CTBP1: variants seen among roughly 807,000 people sequenced by gnomAD.
CTBP1 encodes the protein C-terminal-binding protein 1.
Under a neutral mutation model 42.1 loss-of-function variants are expected in CTBP1, and 11 were observed. The observed-to-expected ratio is 0.26, with a 90% confidence interval of 0.16 to 0.43. The LOEUF is 0.43. Ranked by LOEUF, CTBP1 falls within the 20% of genes least tolerant of loss-of-function variation. CTBP1 has a pLI of 1.00. For missense variants in CTBP1, 399 were observed against 624.3 expected, an observed-to-expected ratio of 0.64 and a Z score of 3.85; for synonymous variants, 324 against 277.1, an observed-to-expected ratio of 1.17 and a Z score of -1.68.
In CTBP1 at chr4:1,238,685, ACCC is replaced by A. The variant is rs1419823955; in HGVS notation, c.8-351_8-349del. 1.4e-4 allele frequency among the ~76,000 whole-genome samples: 20 copies of A among 145,996 alleles called. No individual in the cohort carries two copies. Among genetic ancestry groups the A allele is most frequent in the African/African-American group, 5.1e-4 (20 of 39,050 alleles). On this transcript the variant is annotated intron_variant, in intron 2 of 9. Transcript: ENST00000382952. This position sits in a 1 kb window ranked among gnomAD's most constrained non-coding sequence, Gnocchi z 5.9. ...CTCACACCCTCCAAGACCCTCCGAG[ACCC>A]CCCAAGAAATCTCCAGACCCTCTGA...
At position 1,238,281 on chromosome 4, in the gene CTBP1, G is replaced by A; in HGVS notation, c.64C>T (p.Leu22=). The A allele has an allele frequency of 1.9e-6, 3 of 1,601,106 alleles. No individual in the cohort carries two copies. The highest frequency in any genetic ancestry group is 2.6e-6 in the Non-Finnish European group (3 of 1,170,946). Residue 22 remains leucine, a synonymous_variant, in exon 3 of 10, where the codon CTG becomes TTG. Transcript: ENST00000382952. The surrounding 1 kb of genome is among the most constrained non-coding windows in gnomAD (Gnocchi z 5.9). ...TCCACTGTGCAGTCCCGGCCATCCAGCAATGCCACCAGGGGCCGCGGGTGC... is the reference window on the plus strand; with the variant it reads ...TCCACTGTGCAGTCCCGGCCATCCAACAATGCCACCAGGGGCCGCGGGTGC... ...PLHPRPLVAL[L]DGRDCTVEMP...
intron 5 of CTBP1, chr4:1,218,095 G>A (rs1378701259): frequency 2.6e-5 from 4 of 152,168 alleles, no homozygotes; most frequent in Admixed American, 2.0e-4. Flanking sequence ...GAAGCAGAGA[G>A]AAAAGAATTT....
chr4:1,241,885 G>A (rs2108796874), intron 1 of CTBP1: 1 of 1,071,152 alleles, frequency 9.3e-7, no homozygotes, highest in Non-Finnish European at 1.1e-6. Context: ...GCTGTGGGCA[G>A]GGAAACTGCG....
In CTBP1 at chr4:1,221,681, C is replaced by T. The variant is rs117825923; in HGVS notation, c.514+3679G>A. On this transcript the variant is annotated intron_variant, in intron 5 of 9. Coordinates refer to ENST00000382952, the MANE Select transcript of CTBP1 (RefSeq NM_001012614.2). ...CCACCTCGGCACAGCTGGGGAAGGC[C>T]CTCTGCTCTAGGAAGCGGGACCCGG... is the stretch of plus-strand genomic sequence containing the variant. The T allele has an allele frequency of 6.0e-4, 179 of 299,392 alleles. 2 individuals carry two copies. In the East Asian group the frequency reaches 0.021, roughly 35 times the overall value. The allele number at this position is 299,392 out of a possible 1,614,324, so 18.5% of individuals were successfully genotyped here. A position where few individuals can be genotyped will look rare whatever the true frequency, so the allele number is the denominator to read the frequency against.
intron 1 of CTBP1, chr4:1,245,104 G>A (rs1256241331): frequency 1.0e-5 from 10 of 984,178 alleles, no homozygotes; most frequent in South Asian, 9.4e-5. Flanking sequence ...CAGCTCCTCC[G>A]ACGACAGCAC....
At chr4:1,223,888 G>A (rs1397197245) in intron 5 of CTBP1, among the ~76,000 whole-genome samples, 1 of 152,226 alleles carries the variant, frequency 6.6e-6, no homozygotes, top group Non-Finnish European at 1.5e-5. Flanking sequence ...GTGTGGGGCC[G>A]GTTCACCGCT....
At position 1,228,219 on chromosome 4, in the gene CTBP1, A is replaced by G; in HGVS notation, c.287T>C (p.Ile96Thr). 2 of 1,614,162 alleles carry G rather than the reference A, an allele frequency of 1.2e-6. No homozygotes were observed. The highest frequency in any genetic ancestry group is 1.7e-6 in the Non-Finnish European group (2 of 1,180,014). ...CCTACCTAAATCCCCGGCCGACTTG[A>G]TGTCGATGTTGTCAAAACCACTGCC... ...RIGSGFDNIDIKSAGDLGIAV... is the reference protein window; with the variant it reads ...RIGSGFDNIDTKSAGDLGIAV... Residue 96 changes from isoleucine (I) to threonine (T), a missense_variant, in exon 4 of 10, where the codon ATC becomes ACC. This residue lies in a region of CTBP1 where 309 missense variants were observed against 497.5 expected (regional missense o/e 0.62). Coordinates refer to ENST00000382952, the MANE Select transcript of CTBP1 (RefSeq NM_001012614.2).
At chr4:1,245,553 G>A in intron 1 of CTBP1, 1 of 983,506 alleles carries the variant, frequency 1.0e-6, no homozygotes, top group Non-Finnish European at 1.2e-6. Context: ...GGCAGGTCAG[G>A]GTGGCACAGG....
chr4:1,212,633 A>G, intron 9 of CTBP1: 1 of 613,546 alleles, frequency 1.6e-6, no homozygotes, highest in African/African-American at 1.9e-5. Flanking sequence ...GGTGACTTGA[A>G]CATGAGGTCT....
chr4:1,236,728 G>A (rs958405761), intron 3 of CTBP1: 2 of 685,098 alleles, frequency 2.9e-6, no homozygotes, highest in African/African-American at 1.8e-5. Flanking sequence ...TCCTGATGGG[G>A]CACAGGGCAA....
chr4:1,220,253 T>C (rs1729587140), intron 5 of CTBP1, among the ~76,000 whole-genome samples: 1 of 144,860 alleles, frequency 6.9e-6, no homozygotes, highest in Admixed American at 6.9e-5. Context: ...ATCACGCCAC[T>C]GTACTCCAGC....
In CTBP1 at chr4:1,241,607, C is replaced by A. The variant is rs2108796126; in HGVS notation, c.-188-88G>T. The stretch of plus-strand genomic sequence containing the variant: ...CTCCAGGGAACGCCTCAGAAGTGGA[C>A]CTCACTGCATCTGCCACACCCGGGA... On this transcript the variant is annotated intron_variant, in intron 1 of 9. Transcript: ENST00000382952. 5 of 1,456,942 alleles carry A rather than the reference C, an allele frequency of 3.4e-6. No individual in the cohort carries two copies. The Admixed American group carries it at 1.0e-4, about 30-fold the overall frequency. The allele number at this position is 1,456,942 out of a possible 1,614,324, so 90.3% of individuals were successfully genotyped here.
In CTBP1 at chr4:1,248,809, C is replaced by A. The variant is rs895916945; in HGVS notation, c.-189+107G>T. 393 of 934,634 alleles carry A rather than the reference C, an allele frequency of 4.2e-4. 4 individuals carry two copies. The African/African-American group carries it at 6.8e-3, about 16-fold the overall frequency. 57.9% of individuals were successfully genotyped at this position (934,634 alleles called of 1,614,324 possible). A position where few individuals can be genotyped will look rare whatever the true frequency, so the allele number is the denominator to read the frequency against. ...CACGCGCACTCGCACACAAAGCCGG[C>A]GGCCCGCGGGCGCGCGCTCGGTCCG... is the stretch of plus-strand genomic sequence containing the variant. On this transcript the variant is annotated intron_variant, in intron 1 of 9. Transcript: ENST00000382952.
intron 3 of CTBP1, among the ~76,000 whole-genome samples, chr4:1,229,521 C>G (rs1009384686): frequency 1.3e-5 from 2 of 152,214 alleles, no homozygotes; most frequent in Admixed American, 6.5e-5. Context: ...CCTGACGGAT[C>G]AATGGCGCAG....
intron 1 of CTBP1, chr4:1,245,724 T>G (rs1577083412): frequency 2.1e-6 from 2 of 968,594 alleles, no homozygotes; most frequent in Non-Finnish European, 2.5e-6. Context: ...CACAAGCAGG[T>G]CAGGGTGGCA....
intron 3 of CTBP1, among the ~76,000 whole-genome samples, chr4:1,229,892 G>A (rs892417352): frequency 2.0e-5 from 3 of 152,220 alleles, no homozygotes; most frequent in Admixed American, 6.5e-5. Flanking sequence ...ACAGACCAGG[G>A]CCACAGCAGA....
intron 4 of CTBP1, among the ~76,000 whole-genome samples, chr4:1,225,831 T>A (rs905476580): frequency 1.3e-5 from 2 of 151,790 alleles, no homozygotes; most frequent in Non-Finnish European, 2.9e-5. Context: ...AGGGCTGGGG[T>A]GTGAGACGCT....
At chr4:1,241,902 C>T (rs1407127695) in intron 1 of CTBP1, 1 of 1,067,012 alleles carries the variant, frequency 9.4e-7, no homozygotes, top group Non-Finnish European at 1.1e-6. Context: ...TGCGGAAAGG[C>T]TCTGCCTCCT....
rs764105674 is a variant in CTBP1 at position 1,241,463 on chromosome 4, T to C, written c.-132A>G. 2 of 1,601,004 alleles carry C rather than the reference T, an allele frequency of 1.2e-6. No homozygotes were observed. The highest frequency in any genetic ancestry group is 1.7e-6 in the Non-Finnish European group (2 of 1,171,308). On this transcript the variant is annotated 5_prime_UTR_variant, in exon 2 of 10. Transcript: ENST00000382952. ...CGTCCTTAATTGTCTCGAGCCAAAG[T>C]GCTCAGGCTTCTGATCCGCGGCAAT...
Sources: allele counts gnomAD v4.1 joint callset (sites outside exome capture counted in the v4.1 genomes callset), GRCh38; gene constraint gnomAD v4.1.1; regional missense constraint gnomAD v4.1.1; non-coding constraint Gnocchi (gnomAD v3.1); transcripts MANE v1.5; gene names NCBI Gene and HGNC (gene_info 2026-07-23, HGNC 2026-07-21).